The following RNF130 variants were observed in gnomAD, a reference collection of about 807,000 sequenced individuals.
RNF130 encodes ring finger protein 130, also known as E3 ubiquitin-protein ligase RNF130.
A neutral mutation model predicts 44.6 loss-of-function variants in RNF130; 21 were observed. The observed-to-expected ratio is 0.47, with a 90% CI of 0.33 to 0.68. RNF130 has a LOEUF of 0.68. RNF130 is among the 30% of genes least tolerant of loss of function. The pLI is 0.02. For synonymous variants in RNF130, 214 were observed against 210.4 expected (o/e 1.02, Z -0.15); for missense variants, 479 against 560.6 (o/e 0.85, Z 1.47).
At chr5:180,043,278 T>C (rs1234497811) in intron 1 of RNF130, among the ~76,000 whole-genome samples, 4 of 152,202 alleles carry the variant, frequency 2.6e-5, no homozygotes, top group Non-Finnish European at 5.9e-5. Flanking sequence ...TGAACTATGA[T>C]CATGTCGCTG....
intron 1 of RNF130, among the ~76,000 whole-genome samples, chr5:180,044,271 G>A (rs1356512678): frequency 6.6e-6 from 1 of 152,040 alleles, no homozygotes; most frequent in Non-Finnish European, 1.5e-5. Context: ...TAATTATAGA[G>A]CCAGGAAAAA....
chr5:179,987,992 A>T (rs146998490), intron 3 of RNF130, among the ~76,000 whole-genome samples: 4 of 152,346 alleles, frequency 2.6e-5, no homozygotes, highest in Admixed American at 1.3e-4. Flanking sequence ...AATGAGTTAG[A>T]AAGAATTCTC....
At chr5:180,033,443 G>A in intron 2 of RNF130, among the ~76,000 whole-genome samples, 1 of 152,232 alleles carries the variant, frequency 6.6e-6, no homozygotes, top group East Asian at 1.9e-4. Context: ...ATGGCTTTTG[G>A]GCAGGCCCAG....
At chr5:180,003,390 A>C (rs1416860655) in intron 3 of RNF130, among the ~76,000 whole-genome samples, 1 of 152,228 alleles carries the variant, frequency 6.6e-6, no homozygotes, top group Non-Finnish European at 1.5e-5. Context: ...TTATCTAATC[A>C]GAGACCTACA....
intron 2 of RNF130, among the ~76,000 whole-genome samples, chr5:180,028,356 A>G (rs1291162048): frequency 1.3e-5 from 2 of 152,192 alleles, no homozygotes; most frequent in Non-Finnish European, 2.9e-5. Context: ...AACAATTAGC[A>G]TATAGAATCC....
intron 7 of RNF130, among the ~76,000 whole-genome samples, chr5:179,946,714 C>T (rs572976434): frequency 1.3e-5 from 2 of 151,958 alleles, no homozygotes; most frequent in Admixed American, 6.6e-5. Flanking sequence ...CCACCACGCC[C>T]GGCTAATTTT....
At chr5:179,945,596 C>T (rs1762025624) in intron 7 of RNF130, among the ~76,000 whole-genome samples, 1 of 152,116 alleles carries the variant, frequency 6.6e-6, no homozygotes, top group African/African-American at 2.4e-5. Flanking sequence ...AGGACTCACA[C>T]CGCGGTGGAC....
chr5:179,981,519 C>T (rs1762841377), intron 3 of RNF130, among the ~76,000 whole-genome samples: 1 of 152,214 alleles, frequency 6.6e-6, no homozygotes, highest in Non-Finnish European at 1.5e-5. Flanking sequence ...ATCCGGCTTC[C>T]ATTACCAGTA....
At chr5:179,993,046 A>G (rs1232013337) in intron 3 of RNF130, among the ~76,000 whole-genome samples, 1 of 152,218 alleles carries the variant, frequency 6.6e-6, no homozygotes, top group Non-Finnish European at 1.5e-5. Flanking sequence ...CCTAAAAAGG[A>G]CATGAACACA....
At chr5:179,966,614 C>T (rs1476462008) in intron 7 of RNF130, among the ~76,000 whole-genome samples, 192 bp downstream of exon 7, 1 of 152,226 alleles carries the variant, frequency 6.6e-6, no homozygotes, top group Admixed American at 6.5e-5. Context: ...ATTAATTATA[C>T]ACAAACACAC....
At chr5:179,983,472 G>A (rs754979714) in intron 3 of RNF130, among the ~76,000 whole-genome samples, 12 of 151,760 alleles carry the variant, frequency 7.9e-5, no homozygotes, top group Non-Finnish European at 1.0e-4. Flanking sequence ...GTCTATGTGC[G>A]GACACTATTG....
intron 7 of RNF130, among the ~76,000 whole-genome samples, chr5:179,929,433 G>C (rs1450273998): frequency 6.6e-6 from 1 of 152,062 alleles, no homozygotes; most frequent in Non-Finnish European, 1.5e-5. Flanking sequence ...GTTATTCTTA[G>C]CTCTTTCCAT....
intron 3 of RNF130, among the ~76,000 whole-genome samples, chr5:179,989,076 CT>C (rs1763018165): frequency 6.6e-6 from 1 of 152,120 alleles, no homozygotes; most frequent in Admixed American, 6.5e-5. Flanking sequence ...CTAAGAAGGC[CT>C]CAGGAAACTT....
intron 8 of RNF130, among the ~76,000 whole-genome samples, chr5:179,961,042 A>G (rs1762315899): frequency 6.6e-6 from 1 of 152,104 alleles, no homozygotes; most frequent in Non-Finnish European, 1.5e-5. Flanking sequence ...TAAGAGTACT[A>G]TTATCTTTCC....
intron 3 of RNF130, among the ~76,000 whole-genome samples, chr5:180,004,127 G>A (rs1027326815): frequency 6.6e-6 from 1 of 152,182 alleles, no homozygotes; most frequent in Non-Finnish European, 1.5e-5. Flanking sequence ...GGGGAGGAAC[G>A]ATCTTGGAAA....
intron 2 of RNF130, among the ~76,000 whole-genome samples, chr5:180,021,724 T>C (rs2113105373): frequency 6.6e-6 from 1 of 152,318 alleles, no homozygotes; most frequent in South Asian, 2.1e-4. Context: ...GTTCCTGGCA[T>C]GATGCCTCAT....
chr5:180,067,593 G>C (rs922641898), intron 1 of RNF130, among the ~76,000 whole-genome samples: 1 of 151,976 alleles, frequency 6.6e-6, no homozygotes, highest in African/African-American at 2.4e-5. Context: ...GGAAAAACAC[G>C]GTATGTAAAA....
At chr5:179,945,737 T>C (rs1043772151) in intron 7 of RNF130, among the ~76,000 whole-genome samples, 1 of 152,110 alleles carries the variant, frequency 6.6e-6, no homozygotes, top group Non-Finnish European at 1.5e-5. Context: ...CCTAAGCTTA[T>C]GAGCGGTGTC....
chr5:180,037,233 CAT>C (rs1764269780), intron 2 of RNF130, among the ~76,000 whole-genome samples: 2 of 152,204 alleles, frequency 1.3e-5, no homozygotes, highest in African/African-American at 4.8e-5. Flanking sequence ...CGTCCATGCA[CAT>C]GTGCGAGAGT....
Sources: gnomAD v4.1 joint callset for allele counts (sites outside exome capture counted in the v4.1 genomes callset) on GRCh38, gnomAD v4.1.1 for gene constraint, MANE v1.5 for transcripts, NCBI Gene and HGNC (gene_info 2026-07-23, HGNC 2026-07-21) for gene names.